PDE4B: variants seen among roughly 807,000 people sequenced by gnomAD.
PDE4B encodes 3',5'-cyclic-AMP phosphodiesterase 4B.
A neutral mutation model predicts 82.2 loss-of-function variants in PDE4B; 20 were observed. That is an observed-to-expected ratio of 0.24 (90% CI 0.17 to 0.35). PDE4B has a LOEUF of 0.35. Ranked by LOEUF, PDE4B falls within the 10% of genes least tolerant of loss-of-function variation. The pLI is 1.00. For synonymous variants in PDE4B, 320 were observed against 318.9 expected (o/e 1.00, Z -0.04); for missense variants, 655 against 907.2 (o/e 0.72, Z 3.57).
At chr1:66,030,039 T>G (rs1336441573) in intron 3 of PDE4B, among the ~76,000 whole-genome samples, 3 of 93,632 alleles carry the variant, frequency 3.2e-5, no homozygotes, top group Non-Finnish European at 5.8e-5. Context: ...TGTTGAGGGT[T>G]TTTTTTTTTT....
chr1:65,908,231 C>G (rs1365981233), intron 1 of PDE4B, among the ~76,000 whole-genome samples: 1 of 152,118 alleles, frequency 6.6e-6, no homozygotes, highest in African/African-American at 2.4e-5. Context: ...TCTCCTCTCT[C>G]CAAGTCTCTT....
At chr1:66,195,685 A>T (rs184054852) in intron 3 of PDE4B, among the ~76,000 whole-genome samples, 10 of 152,262 alleles carry the variant, frequency 6.6e-5, no homozygotes, top group Non-Finnish European at 1.3e-4. Context: ...TACCTAGCTC[A>T]TAAGTTTCCT....
intron 3 of PDE4B, among the ~76,000 whole-genome samples, chr1:66,102,604 C>T (rs1031195417): frequency 3.9e-5 from 6 of 152,100 alleles, no homozygotes; most frequent in East Asian, 1.9e-4. Flanking sequence ...TGCTAAAATG[C>T]GTACAAAATA....
intron 3 of PDE4B, among the ~76,000 whole-genome samples, chr1:65,950,081 G>T (rs1485509858): frequency 6.6e-6 from 1 of 152,048 alleles, no homozygotes; most frequent in African/African-American, 2.4e-5. Context: ...AGGAGTTCCT[G>T]TTACTCTCAC....
intron 9 of PDE4B, among the ~76,000 whole-genome samples, chr1:66,355,997 C>G (rs966039777): frequency 2.6e-5 from 4 of 152,174 alleles, no homozygotes; most frequent in African/African-American, 9.7e-5. Flanking sequence ...TAGCCTTTCA[C>G]TTCCTCCAAT....
chr1:65,804,966 G>C (rs1040179237), intron 1 of PDE4B, among the ~76,000 whole-genome samples: 1 of 122,572 alleles, frequency 8.2e-6, no homozygotes, highest in Non-Finnish European at 1.7e-5. Context: ...TTTTTGGGGG[G>C]GTGGGTGGGG....
At chr1:65,941,041 ATAAAGT>A (rs993179671) in intron 3 of PDE4B, among the ~76,000 whole-genome samples, 3 of 152,028 alleles carry the variant, frequency 2.0e-5, no homozygotes, top group Non-Finnish European at 2.9e-5. Flanking sequence ...AATGTTGCAG[ATAAAGT>A]TAAAGGATGA....
intron 4 of PDE4B, among the ~76,000 whole-genome samples, chr1:66,250,466 G>T (rs1487612569): frequency 6.6e-6 from 1 of 152,162 alleles, no homozygotes; most frequent in Non-Finnish European, 1.5e-5. Context: ...ATTATAGTCA[G>T]GGGAGAGTGA....
intron 1 of PDE4B, among the ~76,000 whole-genome samples, chr1:65,832,514 T>A (rs1646094631): frequency 6.6e-6 from 1 of 152,220 alleles, no homozygotes; most frequent in South Asian, 2.1e-4. Context: ...AGAGTTTTTG[T>A]GGCATCCAGT....
intron 3 of PDE4B, among the ~76,000 whole-genome samples, chr1:66,165,557 T>C (rs1646712566): frequency 6.6e-6 from 1 of 152,118 alleles, no homozygotes; most frequent in Non-Finnish European, 1.5e-5. Context: ...GGTGGCAGGA[T>C]ATAAGATCAA....
At chr1:66,298,933 G>A (rs935727543) in intron 7 of PDE4B, among the ~76,000 whole-genome samples, 5 of 151,966 alleles carry the variant, frequency 3.3e-5, no homozygotes, top group South Asian at 2.1e-4. Context: ...TTTAAAAAAA[G>A]GAAAAAGTTT....
chr1:66,081,048 A>G (rs956287407), intron 3 of PDE4B, among the ~76,000 whole-genome samples: 36 of 152,248 alleles, frequency 2.4e-4, no homozygotes, highest in African/African-American at 7.9e-4. Flanking sequence ...TCCTTAGTCC[A>G]GAACTTCTAA....
intron 3 of PDE4B, among the ~76,000 whole-genome samples, chr1:66,163,324 T>TA (rs35039788): frequency 6.6e-6 from 1 of 152,228 alleles, no homozygotes; most frequent in African/African-American, 2.4e-5. Flanking sequence ...TTTAGTCTCT[T>TA]ATCTATTAAA....
At chr1:65,865,435 G>A (rs1384744433) in intron 1 of PDE4B, among the ~76,000 whole-genome samples, 1 of 152,090 alleles carries the variant, frequency 6.6e-6, no homozygotes, top group Non-Finnish European at 1.5e-5. Flanking sequence ...GTGGCGGGGA[G>A]GGGAGGGGAG....
At chr1:65,893,883 G>A (rs1464518758) in intron 1 of PDE4B, among the ~76,000 whole-genome samples, 2 of 152,086 alleles carry the variant, frequency 1.3e-5, no homozygotes, top group Admixed American at 6.6e-5. Context: ...TCTAAGTGAA[G>A]TGACTCAGGA....
intron 3 of PDE4B, among the ~76,000 whole-genome samples, chr1:66,108,955 C>T (rs2101046171): frequency 6.6e-6 from 1 of 152,054 alleles, no homozygotes; most frequent in South Asian, 2.1e-4. Context: ...AAAGTCTGTT[C>T]CCACACCATT....
intron 3 of PDE4B, among the ~76,000 whole-genome samples, chr1:66,165,472 A>G (rs1646710749): frequency 6.6e-6 from 1 of 152,124 alleles, no homozygotes. Flanking sequence ...AGATAATATA[A>G]TTTTTATAGA....
intron 3 of PDE4B, among the ~76,000 whole-genome samples, chr1:66,000,132 A>G (rs1289170691): frequency 6.6e-6 from 1 of 152,204 alleles, no homozygotes; most frequent in Non-Finnish European, 1.5e-5. Context: ...ATTTGTCTGT[A>G]GCACTGTACA....
intron 3 of PDE4B, among the ~76,000 whole-genome samples, chr1:65,925,122 G>A (rs143743692): frequency 2.6e-5 from 4 of 152,218 alleles, no homozygotes; most frequent in African/African-American, 7.2e-5. Flanking sequence ...GCTCATTTTA[G>A]TAACTAAAGT....
Sources: gnomAD v4.1 joint callset for allele counts (sites outside exome capture counted in the v4.1 genomes callset) on GRCh38, gnomAD v4.1.1 for gene constraint, MANE v1.5 for transcripts, NCBI Gene and HGNC (gene_info 2026-07-23, HGNC 2026-07-21) for gene names.